TM9SF3: variants seen among roughly 807,000 people sequenced by gnomAD.
TM9SF3 encodes SM-11044-binding protein.
A neutral mutation model predicts 78.6 loss-of-function variants in TM9SF3; 14 were observed. The observed-to-expected ratio is 0.18, with a 90% confidence interval of 0.12 to 0.28. The LOEUF is 0.28. Ranked by LOEUF, TM9SF3 falls within the 10% of genes least tolerant of loss-of-function variation. TM9SF3 has a pLI of 1.00. For missense variants in TM9SF3, 496 were observed against 721.9 expected, an observed-to-expected ratio of 0.69 and a Z score of 3.59; for synonymous variants, 231 against 241.7, an observed-to-expected ratio of 0.96 and a Z score of 0.41.
chr10:96,532,486 A>G lies in TM9SF3; in HGVS notation c.1325+565T>C, dbSNP rs1281433429. ...CTAGGGACAGAGACTTTATATATAT[A>G]TATCTCCGTTATCATAAAAATGCAG... On this transcript the variant is annotated intron_variant, in intron 10 of 14. Coordinates refer to ENST00000371142, the MANE Select transcript of TM9SF3 (RefSeq NM_020123.4). Among the ~76,000 whole-genome samples, 9 of 152,222 alleles carry G rather than the reference A, an allele frequency of 5.9e-5. No individual in the cohort carries two copies. In the East Asian group the frequency reaches 1.5e-3, roughly 26 times the overall value.
At chr10:96,569,214 A>C (rs1848411792) in intron 2 of TM9SF3, among the ~76,000 whole-genome samples, 1 of 152,172 alleles carries the variant, frequency 6.6e-6, no homozygotes, top group South Asian at 2.1e-4. Flanking sequence ...ATTCACAGAA[A>C]GTGTTCTTAA....
rs1371279149 is a variant in TM9SF3 at position 96,576,771 on chromosome 10, C to A, written c.161G>T (p.Arg54Leu). 6.2e-7 allele frequency: 1 copy of A among 1,601,552 alleles called. No homozygotes were observed. Among genetic ancestry groups the A allele is most frequent in the South Asian group, 1.1e-5 (1 of 89,334 alleles). ...WMNTVGPYHN[R>L]QETYKYFSLP... ...TGAAAAGTACTTATATGTTTCTTGACGATTATGGTAGGGCCCAACAGTATT... is the reference window on the plus strand; with the variant it reads ...TGAAAAGTACTTATATGTTTCTTGAAGATTATGGTAGGGCCCAACAGTATT... The change falls in exon 2 of 15, where the codon CGT (arginine) becomes CTT (leucine). Residue 54 changes from arginine to leucine, a missense_variant. Around this residue, in one of 4 missense-constraint regions of TM9SF3, gnomAD observed 155 missense variants for 241.6 expected, o/e 0.64. Transcript: ENST00000371142.
intron 5 of TM9SF3, among the ~76,000 whole-genome samples, chr10:96,555,437 C>T (rs986464030): frequency 6.6e-6 from 1 of 152,160 alleles, no homozygotes; most frequent in Non-Finnish European, 1.5e-5. Flanking sequence ...CTACATATTC[C>T]GGTTCTTCAT....
intron 5 of TM9SF3, among the ~76,000 whole-genome samples, chr10:96,557,259 C>T (rs961734483): frequency 2.0e-5 from 3 of 152,122 alleles, no homozygotes; most frequent in Non-Finnish European, 4.4e-5. Context: ...CACACCAAAA[C>T]GAACATGTCC....
intron 11 of TM9SF3, among the ~76,000 whole-genome samples, chr10:96,529,189 G>A (rs1405043763): frequency 6.6e-6 from 1 of 152,056 alleles, no homozygotes; most frequent in Non-Finnish European, 1.5e-5. Context: ...AATAAACCAC[G>A]AGTTACAGAG....
chr10:96,566,269 T>C (rs1848369077), intron 2 of TM9SF3, among the ~76,000 whole-genome samples: 1 of 152,228 alleles, frequency 6.6e-6, no homozygotes, highest in Non-Finnish European at 1.5e-5. Context: ...TATACTATAT[T>C]TGTACTATAA....
chr10:96,546,641 T>C (rs934501677), intron 8 of TM9SF3, among the ~76,000 whole-genome samples: 1 of 152,102 alleles, frequency 6.6e-6, no homozygotes, highest in African/African-American at 2.4e-5. Context: ...AACATCTACC[T>C]AAAATAGTCA....
Position 96,520,135 on chromosome 10 carries a change from T to C in TM9SF3, c.*2128A>G, listed in dbSNP as rs1847746490. 6.6e-6 allele frequency: 1 copy of C among 151,950 alleles called. No individual in the cohort carries two copies. Among genetic ancestry groups the C allele is most frequent in the Admixed American group, 6.6e-5 (1 of 15,236 alleles). The allele number at this position is 151,950 out of a possible 1,614,324, so 9.4% of individuals were successfully genotyped here. A position where few individuals can be genotyped will look rare whatever the true frequency, so the allele number is the denominator to read the frequency against. ...AGACTATGTATTGGTATGTTAAAAGTACTTTTGAATAAAAGTGGTGAGAAA... is the reference window on the plus strand; with the variant it reads ...AGACTATGTATTGGTATGTTAAAAGCACTTTTGAATAAAAGTGGTGAGAAA... On this transcript the variant is annotated 3_prime_UTR_variant, in exon 15 of 15. Coordinates refer to ENST00000371142, the MANE Select transcript of TM9SF3 (RefSeq NM_020123.4).
At position 96,560,146 on chromosome 10, in the gene TM9SF3, G is replaced by T. The variant is rs12242731; in HGVS notation, c.583-410C>A. On this transcript the variant is annotated intron_variant, in intron 4 of 14. Transcript: ENST00000371142. ...TCTTGAGCAGAAGTCATTTATCTCC[G>T]TCTGCCTTCTTTCCCACCTAAATGC... is the stretch of plus-strand genomic sequence containing the variant. The T allele has an allele frequency of 0.011, 7,908 of 743,828 alleles. 401 individuals carry two copies. In the African/African-American group the frequency reaches 0.12, roughly 11 times the overall value. The allele number at this position is 743,828 out of a possible 1,614,324, so 46.1% of individuals were successfully genotyped here.
intron 1 of TM9SF3, among the ~76,000 whole-genome samples, chr10:96,577,931 A>G (rs1848516455): frequency 6.6e-6 from 1 of 152,156 alleles, no homozygotes; most frequent in South Asian, 2.1e-4. Context: ...TAATAAATAA[A>G]TATTTTCAAT....
In TM9SF3 at chr10:96,533,177, C is replaced by A; in HGVS notation, c.1199G>T (p.Cys400Phe). 3.1e-6 allele frequency: 5 copies of A among 1,613,510 alleles called. No homozygotes were observed. Among genetic ancestry groups the A allele is most frequent in the Non-Finnish European group, 4.2e-6 (5 of 1,179,668 alleles). The change falls in exon 10 of 15, where the codon TGC (cysteine) becomes TTC (phenylalanine). Residue 400 changes from cysteine to phenylalanine, a missense_variant. Coordinates refer to ENST00000371142, the MANE Select transcript of TM9SF3 (RefSeq NM_020123.4). ...AGGAAGAATAACAAAAAAACAGATGCAACAAACGGCCACCTGTAAATTAAA... is the reference window on the plus strand; with the variant it reads ...AGGAAGAATAACAAAAAAACAGATGAAACAAACGGCCACCTGTAAATTAAA... Reference protein sequence around the residue: ...IPFGTMVAVCCICFFVILPLN... With the variant: ...IPFGTMVAVCFICFFVILPLN...
Position 96,533,270 on chromosome 10 carries a change from C to T in TM9SF3, c.1186-80G>A, listed in dbSNP as rs575134059. On this transcript the variant is annotated intron_variant, in intron 9 of 14. Transcript: ENST00000371142. ...ACAAATAAAAGAGACACAATTTAAA[C>T]ACAATTTGACCACAAAAGAAAATGT... The T allele has an allele frequency of 2.6e-5, 38 of 1,474,930 alleles. No homozygotes were observed. In the Admixed American group the frequency reaches 4.4e-4, roughly 17 times the overall value. The allele number at this position is 1,474,930 out of a possible 1,614,324, so 91.4% of individuals were successfully genotyped here. A position where few individuals can be genotyped will look rare whatever the true frequency, so the allele number is the denominator to read the frequency against.
chr10:96,566,543 G>C (rs1848373139), intron 2 of TM9SF3, among the ~76,000 whole-genome samples: 1 of 152,160 alleles, frequency 6.6e-6, no homozygotes, highest in African/African-American at 2.4e-5. Flanking sequence ...AAAGTCCCAT[G>C]GAAGAATGTC....
chr10:96,541,611 T>C (rs959674150), intron 9 of TM9SF3, among the ~76,000 whole-genome samples: 1 of 152,174 alleles, frequency 6.6e-6, no homozygotes, highest in Non-Finnish European at 1.5e-5. Context: ...CTCAAACTCC[T>C]GACCTCAAGT....
At chr10:96,564,320 C>T (rs1221949874) in intron 3 of TM9SF3, among the ~76,000 whole-genome samples, 1 of 152,016 alleles carries the variant, frequency 6.6e-6, no homozygotes, top group Non-Finnish European at 1.5e-5. Flanking sequence ...TGAAGGAGGC[C>T]CAAACCAATG....
At chr10:96,577,356 A>T (rs1034278244) in intron 1 of TM9SF3, 2 of 152,258 alleles carry the variant, frequency 1.3e-5, no homozygotes, top group Non-Finnish European at 2.9e-5. Flanking sequence ...GAAGACTGCT[A>T]TAGAACCTCC....
Position 96,518,814 on chromosome 10 carries a change from T to G in TM9SF3, c.*3449A>C, listed in dbSNP as rs933563286. 1.3e-5 allele frequency: 2 copies of G among 148,588 alleles called. No homozygotes were observed. The highest frequency in any genetic ancestry group is 3.0e-5 in the Non-Finnish European group (2 of 67,134). 9.2% of individuals were successfully genotyped at this position (148,588 alleles called of 1,614,324 possible). ...ACACTTCCAAATACTCTTCATAAATTTTCACTTCTGACTGAAATATAACAC... is the reference window on the plus strand; with the variant it reads ...ACACTTCCAAATACTCTTCATAAATGTTCACTTCTGACTGAAATATAACAC... On this transcript the variant is annotated 3_prime_UTR_variant, in exon 15 of 15. Transcript: ENST00000371142.
intron 12 of TM9SF3, 149 bp downstream of exon 12, chr10:96,527,882 A>G: frequency 1.4e-6 from 1 of 736,662 alleles, no homozygotes. Flanking sequence ...TAAAATATGT[A>G]TCATTTTTAT....
At chr10:96,586,496 G>A (rs1021390200) in intron 1 of TM9SF3, among the ~76,000 whole-genome samples, 1 of 152,008 alleles carries the variant, frequency 6.6e-6, no homozygotes, top group Admixed American at 6.5e-5. Flanking sequence ...GCGCCACTGA[G>A]GCCCAGACCG....
Sources: allele counts gnomAD v4.1 joint callset (sites outside exome capture counted in the v4.1 genomes callset), GRCh38; gene constraint gnomAD v4.1.1; regional missense constraint gnomAD v4.1.1; transcripts MANE v1.5; gene names NCBI Gene and HGNC (gene_info 2026-07-23, HGNC 2026-07-21).